TBX15: variants seen among roughly 807,000 people sequenced by gnomAD.
The protein encoded by TBX15 is T-box transcription factor TBX15.
TBX15 carries 18 observed loss-of-function variants against 53.9 expected under a neutral mutation model. The ratio of observed to expected loss-of-function variants is 0.33; its 90% CI spans 0.23 to 0.49. The LOEUF is 0.49. TBX15 is among the 20% of genes least tolerant of loss of function. The pLI, the probability that TBX15 is intolerant of heterozygous loss-of-function variation, is 0.98. For missense variants in TBX15, 692 were observed against 749.5 expected (o/e 0.92, Z 0.90); for synonymous variants, 295 against 278.0 (o/e 1.06, Z -0.61).
intron 1 of TBX15, among the ~76,000 whole-genome samples, chr1:118,984,547 C>A (rs891462593): frequency 9.9e-5 from 15 of 152,256 alleles, no homozygotes; most frequent in African/African-American, 3.4e-4. Flanking sequence ...GCCGGAGCAG[C>A]TGTTCCAGCC....
At position 118,983,403 on chromosome 1, in the gene TBX15, A is replaced by G. The variant is rs1395025093; in HGVS notation, c.205+4188T>C. Among the ~76,000 whole-genome samples, 5 of 152,274 alleles carry G rather than the reference A, an allele frequency of 3.3e-5. No homozygotes were observed. In the East Asian group the frequency reaches 9.7e-4, roughly 29 times the overall value. On this transcript the variant is annotated intron_variant, in intron 1 of 7. Transcript: ENST00000369429. ...CCGGAGTTTTACATAGAATGTCTTC[A>G]TAACCATCCCCGCTGCCCGGGAACC... is the stretch of plus-strand genomic sequence containing the variant.
chr1:118,964,559 A>C (rs1656980392), intron 1 of TBX15, among the ~76,000 whole-genome samples: 1 of 152,176 alleles, frequency 6.6e-6, no homozygotes, highest in Non-Finnish European at 1.5e-5. Context: ...CCAAACATCT[A>C]CTCAATTATC....
chr1:118,916,253 C>T (rs1273148520), intron 5 of TBX15, among the ~76,000 whole-genome samples: 1 of 152,020 alleles, frequency 6.6e-6, no homozygotes, highest in Non-Finnish European at 1.5e-5. Flanking sequence ...GGCAAAGTAC[C>T]CTGAAAGCTT....
chr1:118,941,080 A>C (rs771467299), intron 1 of TBX15, among the ~76,000 whole-genome samples: 31 of 152,146 alleles, frequency 2.0e-4, no homozygotes, highest in Non-Finnish European at 4.3e-4. Context: ...GAAGCGATAC[A>C]TTATCTCATC....
At chr1:118,914,303 G>T in intron 5 of TBX15, 124 bp from the exon 6 acceptor site, 1 of 950,678 alleles carries the variant, frequency 1.1e-6, no homozygotes, top group Non-Finnish European at 1.6e-6. Context: ...TTTCCTTTCA[G>T]CTCAAGATTT....
intron 2 of TBX15, 94 bp from the exon 3 acceptor site, chr1:118,926,705 G>T: frequency 9.1e-7 from 1 of 1,102,152 alleles, no homozygotes; most frequent in Non-Finnish European, 1.3e-6. Flanking sequence ...TTGTTTGTTT[G>T]TTTTCTTGTT....
chr1:118,899,628 A>G (rs1654554503), intron 6 of TBX15, among the ~76,000 whole-genome samples: 1 of 152,214 alleles, frequency 6.6e-6, no homozygotes, highest in African/African-American at 2.4e-5. Context: ...AACAGAGATG[A>G]ATAGGGCAAC....
At chr1:118,885,944 A>G (rs1476896599) in intron 7 of TBX15, among the ~76,000 whole-genome samples, 1 of 152,184 alleles carries the variant, frequency 6.6e-6, no homozygotes, top group Non-Finnish European at 1.5e-5. Flanking sequence ...TGCATTAAAT[A>G]TGTATTTTAT....
At chr1:118,949,647 C>A (rs1399619963) in intron 1 of TBX15, among the ~76,000 whole-genome samples, 1 of 152,208 alleles carries the variant, frequency 6.6e-6, no homozygotes, top group Non-Finnish European at 1.5e-5. Context: ...TCAAGAAACC[C>A]AATGTCCTTG....
chr1:118,983,760 C>G (rs1657723219), intron 1 of TBX15, among the ~76,000 whole-genome samples: 1 of 152,162 alleles, frequency 6.6e-6, no homozygotes, highest in Admixed American at 6.5e-5. Context: ...GGACTCAACC[C>G]CAGCAGACCC....
At chr1:118,952,599 G>C (rs902363824) in intron 1 of TBX15, among the ~76,000 whole-genome samples, 2 of 152,022 alleles carry the variant, frequency 1.3e-5, no homozygotes, top group East Asian at 3.9e-4. Context: ...ATCAGTTCCC[G>C]ATGTCTAATC....
chr1:118,983,564 G>T (rs1467598023), intron 1 of TBX15, among the ~76,000 whole-genome samples: 2 of 152,144 alleles, frequency 1.3e-5, no homozygotes, highest in African/African-American at 4.8e-5. Context: ...GATCCCTCTC[G>T]CTTCCCTTCA....
intron 1 of TBX15, among the ~76,000 whole-genome samples, chr1:118,939,425 A>AAAG (rs1656083191): frequency 9.3e-6 from 1 of 107,670 alleles, no homozygotes; most frequent in African/African-American, 3.6e-5. Flanking sequence ...AAAAAAAAAA[A>AAAG]AAAAAAAAAA....
At chr1:118,906,442 T>C (rs994832882) in intron 6 of TBX15, among the ~76,000 whole-genome samples, 5 of 152,190 alleles carry the variant, frequency 3.3e-5, no homozygotes, top group African/African-American at 9.6e-5. Flanking sequence ...CTTTTCCTTC[T>C]GCTAATATTA....
At chr1:118,895,639 C>A (rs1404850003) in intron 7 of TBX15, among the ~76,000 whole-genome samples, 4 of 152,108 alleles carry the variant, frequency 2.6e-5, no homozygotes, top group Non-Finnish European at 5.9e-5. Context: ...AGGCAAAAGC[C>A]ATTCCTGAGG....
At chr1:118,897,628 G>A (rs1033721436) in intron 7 of TBX15, among the ~76,000 whole-genome samples, 1 of 152,100 alleles carries the variant, frequency 6.6e-6, no homozygotes, top group African/African-American at 2.4e-5. Context: ...GAGAATACTG[G>A]CATGCAGGAA....
intron 1 of TBX15, among the ~76,000 whole-genome samples, chr1:118,954,846 C>T (rs1656628645): frequency 6.6e-6 from 1 of 152,170 alleles, no homozygotes; most frequent in African/African-American, 2.4e-5. Context: ...GCTGGAAGCA[C>T]TGCATGATTT....
At chr1:118,934,352 G>A (rs551397844) in intron 1 of TBX15, among the ~76,000 whole-genome samples, 3 of 152,204 alleles carry the variant, frequency 2.0e-5, no homozygotes, top group Non-Finnish European at 2.9e-5. Flanking sequence ...AAGACCGGGG[G>A]CTCAGATTCA....
intron 6 of TBX15, among the ~76,000 whole-genome samples, chr1:118,908,868 G>A (rs920370146): frequency 6.7e-6 from 1 of 149,894 alleles, no homozygotes; most frequent in East Asian, 2.0e-4. Flanking sequence ...TACACACATA[G>A]ACACACACTC....
Sources: gnomAD v4.1 joint callset for allele counts (sites outside exome capture counted in the v4.1 genomes callset) on GRCh38, gnomAD v4.1.1 for gene constraint, MANE v1.5 for transcripts, NCBI Gene and HGNC (gene_info 2026-07-23, HGNC 2026-07-21) for gene names.